NSD3: variants seen among roughly 807,000 people sequenced by gnomAD.
NSD3 encodes histone-lysine N-methyltransferase NSD3.
A neutral mutation model predicts 160.8 loss-of-function variants in NSD3; 24 were observed. The ratio of observed to expected loss-of-function variants is 0.15; its 90% CI spans 0.11 to 0.21. The LOEUF (loss-of-function observed/expected upper bound fraction) is 0.21. NSD3 is among the 10% of genes least tolerant of loss of function. The pLI is 1.00. For synonymous variants in NSD3, 520 were observed against 600.0 expected, an observed-to-expected ratio of 0.87 and a Z score of 1.95; for missense variants, 1,157 against 1,735.9, an observed-to-expected ratio of 0.67 and a Z score of 5.93.
At chr8:38,344,285 T>C (rs1241155215) in intron 2 of NSD3, among the ~76,000 whole-genome samples, 3 of 152,148 alleles carry the variant, frequency 2.0e-5, no homozygotes, top group African/African-American at 7.2e-5. Context: ...TATTTGTTTG[T>C]TTTTCAGACA....
chr8:38,303,040 A>T (rs929759328), intron 14 of NSD3, among the ~76,000 whole-genome samples: 2 of 152,286 alleles, frequency 1.3e-5, no homozygotes, highest in African/African-American at 4.8e-5. Context: ...CCCCAACATA[A>T]GCCAACATAA....
chr8:38,365,530 T>C (rs1280502684), intron 1 of NSD3, among the ~76,000 whole-genome samples: 4 of 152,202 alleles, frequency 2.6e-5, no homozygotes, highest in Admixed American at 2.0e-4. Flanking sequence ...TGGAGTACAC[T>C]AGCACGATCT....
intron 4 of NSD3, among the ~76,000 whole-genome samples, chr8:38,332,047 C>T (rs894745098): frequency 1.3e-5 from 2 of 152,226 alleles, no homozygotes; most frequent in Non-Finnish European, 2.9e-5. Context: ...GTGCCTTAGC[C>T]TCTTGAGCAG....
intron 7 of NSD3, among the ~76,000 whole-genome samples, chr8:38,323,454 C>T (rs908059125): frequency 7.2e-5 from 11 of 151,984 alleles, no homozygotes; most frequent in African/African-American, 2.7e-4. Context: ...GAAGTATAAC[C>T]TTCCACTTAA....
At position 38,315,949 on chromosome 8, in the gene NSD3, G is replaced by A; in HGVS notation, c.1949C>T (p.Thr650Ile). 1 of 1,613,832 alleles carries A rather than the reference G, an allele frequency of 6.2e-7. No individual in the cohort carries two copies. The highest frequency in any genetic ancestry group is 8.5e-7 in the Non-Finnish European group (1 of 1,180,000). The change falls in exon 10 of 24, where the codon ACA (threonine) becomes ATA (isoleucine). Residue 650 changes from threonine (T) to isoleucine (I), a missense_variant. Transcript: ENST00000317025. The stretch of plus-strand genomic sequence containing the variant: ...CAGTCCTCTAGAATCGGAGTCAGAT[G>A]TGTCTCTGTATGCTGAACTAGTCAT... ...VEMTSSAYRD[T>I]SDSDSRGLSD...
intron 20 of NSD3, 124 bp from the exon 21 acceptor site, chr8:38,279,805 A>C: frequency 3.0e-6 from 3 of 1,005,224 alleles, no homozygotes; most frequent in Non-Finnish European, 4.3e-6. Flanking sequence ...CTGACAGATC[A>C]GGAAATGTGA....
intron 21 of NSD3, among the ~76,000 whole-genome samples, chr8:38,279,325 T>C (rs1451291662): frequency 2.6e-5 from 4 of 152,258 alleles, no homozygotes; most frequent in Admixed American, 2.0e-4. Flanking sequence ...TCTCACTAAA[T>C]TCCCTTTTGA....
At position 38,326,825 on chromosome 8, in the gene NSD3, C is replaced by T. The variant is rs142261182; in HGVS notation, c.1613G>A (p.Arg538Lys). 1.6e-4 allele frequency: 256 copies of T among 1,613,866 alleles called. 2 individuals are homozygous for T. In the African/African-American group the frequency reaches 1.9e-3, roughly 12 times the overall value. Residue 538 changes from arginine (R) to lysine (K), a missense_variant, in exon 7 of 24, where the codon AGG becomes AAG. Arg to Lys is a conservative substitution (Grantham distance 26). This residue lies in a region of NSD3 where 102 missense variants were observed against 126.5 expected (regional missense o/e 0.81). Transcript: ENST00000317025. ...AGAAATTATAAGCCTGTCTTGCCCC[C>T]TGACACTTATTTCTGTTTTGTTACC... ...GIGNKTEISV[R>K]GQDRLIISTP...
chr8:38,332,014 A>G (rs1810073495), intron 4 of NSD3, among the ~76,000 whole-genome samples: 1 of 152,248 alleles, frequency 6.6e-6, no homozygotes, highest in South Asian at 2.1e-4. Flanking sequence ...TGCAGCCTCA[A>G]ACTCCTGGGC....
chr8:38,347,959 A>G lies in NSD3; in HGVS notation c.213T>C (p.Asn71=). 6.2e-7 allele frequency: 1 copy of G among 1,614,208 alleles called. No individual in the cohort carries two copies. Among genetic ancestry groups the G allele is most frequent in the Admixed American group, 1.7e-5 (1 of 60,016 alleles). The change falls in exon 2 of 24, where the codon AAT becomes AAC. Residue 71 remains asparagine (N), a synonymous_variant. Transcript: ENST00000317025. ...ACACACTGATTGATGATGGATACCC[A>G]TTTGTGAGTGGAGGAAGATCTTCTG... ...ATTEDLPPLT[N]GYPSSISVYE...
At chr8:38,300,876 T>C (rs965146974) in intron 14 of NSD3, among the ~76,000 whole-genome samples, 2 of 152,232 alleles carry the variant, frequency 1.3e-5, no homozygotes, top group African/African-American at 2.4e-5. Flanking sequence ...TCTGTGGGCA[T>C]TGTCTTCATA....
intron 2 of NSD3, among the ~76,000 whole-genome samples, chr8:38,339,553 C>G (rs753113566): frequency 6.6e-6 from 1 of 151,932 alleles, no homozygotes; most frequent in Admixed American, 6.6e-5. Flanking sequence ...GGTGAAACCC[C>G]GTCTCTACTA....
At position 38,295,942 on chromosome 8, in the gene NSD3, C is replaced by A; in HGVS notation, c.2769G>T (p.Leu923Phe). 1 of 1,609,718 alleles carries A rather than the reference C, an allele frequency of 6.2e-7. No individual in the cohort carries two copies. The highest frequency in any genetic ancestry group is 8.5e-7 in the Non-Finnish European group (1 of 1,178,572). The stretch of plus-strand genomic sequence containing the variant: ...AAGCTGGGCACGATTCACAGCAGAG[C>A]AATCTTCCACCTTGAAACAAATAAA... ...SKKKCEKGGR[L>F]LCCESCPASF... The change falls in exon 16 of 24, where the codon TTG becomes TTT. Residue 923 changes from leucine to phenylalanine, a missense_variant. Coordinates refer to ENST00000317025, the MANE Select transcript of NSD3 (RefSeq NM_023034.2).
At chr8:38,364,191 C>T (rs1052289323) in intron 1 of NSD3, among the ~76,000 whole-genome samples, 3 of 152,002 alleles carry the variant, frequency 2.0e-5, no homozygotes, top group Non-Finnish European at 4.4e-5. Context: ...GTGGGACGAT[C>T]GCTTGAACCT....
At chr8:38,333,523 A>T (rs1453676153) in intron 4 of NSD3, among the ~76,000 whole-genome samples, 1 of 152,240 alleles carries the variant, frequency 6.6e-6, no homozygotes, top group African/African-American at 2.4e-5. Context: ...TTACATCTTT[A>T]TGTGTGAAAA....
intron 1 of NSD3, among the ~76,000 whole-genome samples, chr8:38,360,353 T>C (rs1411143516): frequency 1.3e-5 from 2 of 152,216 alleles, no homozygotes; most frequent in African/African-American, 2.4e-5. Context: ...CCATTATATA[T>C]TAATTGTATA....
chr8:38,304,525 T>C (rs144973780), intron 14 of NSD3, 62 bp downstream of exon 14: 9 of 1,538,104 alleles, frequency 5.9e-6, no homozygotes, highest in Non-Finnish European at 7.9e-6. Flanking sequence ...TGAGACTCTA[T>C]GTTAATGGAG....
At chr8:38,362,016 A>T (rs1810979355) in intron 1 of NSD3, among the ~76,000 whole-genome samples, 1 of 151,966 alleles carries the variant, frequency 6.6e-6, no homozygotes, top group Admixed American at 6.6e-5. Flanking sequence ...GTTTCAAATG[A>T]TCTAGATTTT....
At chr8:38,290,900 T>C (rs1411411825) in intron 16 of NSD3, among the ~76,000 whole-genome samples, 1 of 152,158 alleles carries the variant, frequency 6.6e-6, no homozygotes, top group East Asian at 1.9e-4. Flanking sequence ...TTTTAAAAAA[T>C]ATTTCATATT....
Sources: allele counts gnomAD v4.1 joint callset (sites outside exome capture counted in the v4.1 genomes callset), GRCh38; gene constraint gnomAD v4.1.1; regional missense constraint gnomAD v4.1.1; transcripts MANE v1.5; gene names NCBI Gene and HGNC (gene_info 2026-07-23, HGNC 2026-07-21).